The following ZNF519 variants were observed in gnomAD, a reference collection of about 807,000 sequenced individuals.
ZNF519 encodes zinc finger protein 519, also known as similar to Zinc finger protein 85 (Zinc finger protein HPF4) (HTF1).
A neutral mutation model predicts 7.4 loss-of-function variants in ZNF519; 7 were observed. That is an observed-to-expected ratio of 0.94 (90% CI 0.54 to 1.77). The LOEUF is 1.77. ZNF519 is among the 40% of genes most tolerant of loss of function. The pLI is 0.00. For synonymous variants in ZNF519, 179 were observed against 203.3 expected (o/e 0.88, Z 1.02); for missense variants, 586 against 623.1 (o/e 0.94, Z 0.63).
At chr18:14,092,910 C>CTGCAT in intron 2 of ZNF519, among the ~76,000 whole-genome samples, 2 of 152,292 alleles carry the variant, frequency 1.3e-5, no homozygotes, top group Middle Eastern at 6.8e-3. Flanking sequence ...CAGCACAGGG[C>CTGCAT]TGCATCCCTA....
chr18:14,085,440 T>C (rs996492057), intron 2 of ZNF519, among the ~76,000 whole-genome samples: 5 of 152,018 alleles, frequency 3.3e-5, no homozygotes, highest in African/African-American at 4.8e-5. Context: ...AAAAAATCTT[T>C]AAGAGAGGAA....
At chr18:14,074,562 C>G (rs1249464405), downstream of ZNF519, 1 of 152,788 alleles carries the variant, frequency 6.5e-6, no homozygotes, top group Non-Finnish European at 1.5e-5. Context: ...TCATCTCTCT[C>G]AAGTTCAAAG....
At chr18:14,116,521 A>G (rs955160089) in intron 2 of ZNF519, among the ~76,000 whole-genome samples, 2 of 152,210 alleles carry the variant, frequency 1.3e-5, no homozygotes, top group African/African-American at 4.8e-5. Flanking sequence ...TATATGGTCA[A>G]ATGATCTTCA....
chr18:14,122,343 T>G (rs2046273463), intron 2 of ZNF519: 1 of 152,110 alleles, frequency 6.6e-6, no homozygotes, highest in Admixed American at 6.6e-5. Context: ...GGATTAAAAA[T>G]TATTAAGCGG....
chr18:14,130,163 C>T (rs575075915), intron 1 of ZNF519, among the ~76,000 whole-genome samples: 3 of 150,186 alleles, frequency 2.0e-5, no homozygotes, highest in Admixed American at 6.7e-5. Context: ...TTCTCATATA[C>T]AATTGGCTGA....
At chr18:14,090,910 C>A (rs1032849786) in intron 2 of ZNF519, 1 of 152,196 alleles carries the variant, frequency 6.6e-6, no homozygotes, top group African/African-American at 2.4e-5. Context: ...TAAAGCTCTG[C>A]AAATGTTAAC....
intron 2 of ZNF519, 135 bp downstream of exon 2, chr18:14,124,215 A>T: frequency 3.6e-6 from 3 of 833,056 alleles, no homozygotes; most frequent in Non-Finnish European, 5.2e-6. Context: ...TTACACTAGC[A>T]AACTCCCATT....
At chr18:14,098,784 C>T (rs116091225), downstream of ZNF519, among the ~76,000 whole-genome samples, 2,400 of 152,248 alleles carry the variant, frequency 0.016, 66 homozygotes, top group African/African-American at 0.055. Context: ...CCTATTTATC[C>T]GATGACATTT....
intron 3 of ZNF519, chr18:14,084,489 T>C (rs1000685506): frequency 1.3e-5 from 2 of 152,210 alleles, no homozygotes; most frequent in Non-Finnish European, 2.9e-5. Context: ...TCCAGCTGAA[T>C]GAAGCCACAT....
chr18:14,121,891 T>C (rs976659742), intron 2 of ZNF519: 2 of 152,178 alleles, frequency 1.3e-5, no homozygotes, highest in South Asian at 4.1e-4. Context: ...CTTAGCAATG[T>C]TCTAAGCTCA....
intron 3 of ZNF519, among the ~76,000 whole-genome samples, chr18:14,079,214 G>A (rs2046060814): frequency 6.6e-6 from 1 of 152,190 alleles, no homozygotes; most frequent in Non-Finnish European, 1.5e-5. Flanking sequence ...CCTCAGCACA[G>A]GAGGGAGACC....
At position 14,103,067 on chromosome 18, in the gene ZNF519, T is replaced by C. The variant is rs574316919; in HGVS notation, c.*1850A>G. ...ACTATACTGATAATATTACAGGCTA[T>C]AAATAGATTAAATAATCAAATCCAT... On this transcript the variant is annotated 3_prime_UTR_variant, in exon 3 of 3. Transcript: ENST00000590202. 1.3e-5 allele frequency: 2 copies of C among 152,182 alleles called. No homozygotes were observed. Among genetic ancestry groups the C allele is most frequent in the Non-Finnish European group, 2.9e-5 (2 of 67,978 alleles). The allele number at this position is 152,182 out of a possible 1,614,324, so 9.4% of individuals were successfully genotyped here.
At position 14,124,436 on chromosome 18, in the gene ZNF519, G is replaced by A; in HGVS notation, c.44C>T (p.Pro15Leu). The change falls in exon 2 of 3, where the codon CCA (proline) becomes CTA (leucine). Residue 15 changes from proline to leucine, a missense_variant. Physicochemically the swap from Pro to Leu is moderately conservative, Grantham distance 98. Coordinates refer to ENST00000590202, the MANE Select transcript of ZNF519 (RefSeq NM_145287.4). ...TFRDVAIEFS[P>L]EEWKCLDPAQ... is the part of the protein sequence containing the mutation. Reference sequence around the variant, plus strand: ...AGGGTCTAGGCATTTCCACTCTTCTGGAGAGAATTCTATGGCCACATCCCT... The same window carrying A: ...AGGGTCTAGGCATTTCCACTCTTCTAGAGAGAATTCTATGGCCACATCCCT... 6.2e-7 allele frequency: 1 copy of A among 1,612,710 alleles called. No homozygotes were observed. Among genetic ancestry groups the A allele is most frequent in the South Asian group, 1.1e-5 (1 of 90,766 alleles).
rs770288525 is a variant in ZNF519 at position 14,105,371 on chromosome 18, T to C, written c.1169A>G (p.Tyr390Cys). ...ATGCATTCTCTGATGCTGAGTAACG[T>C]ATGAGCTTCTATTAAAGGCTTTGCC... ...ECGKAFNRSS[Y>C]VTQHQRMHTG... is the part of the protein sequence containing the mutation. Residue 390 changes from tyrosine to cysteine, a missense_variant, in exon 3 of 3, where the codon TAC (tyrosine) becomes TGC (cysteine). Physicochemically the swap from Tyr to Cys is radical, Grantham distance 194. Transcript: ENST00000590202. The C allele has an allele frequency of 6.2e-7, 1 of 1,614,006 alleles. No individual in the cohort carries two copies. The highest frequency in any genetic ancestry group is 8.5e-7 in the Non-Finnish European group (1 of 1,179,982).
intron 3 of ZNF519, among the ~76,000 whole-genome samples, chr18:14,079,745 A>T (rs987685649): frequency 6.6e-6 from 1 of 152,218 alleles, no homozygotes; most frequent in Non-Finnish European, 1.5e-5. Flanking sequence ...ATCTTCACCA[A>T]AATGAACACA....
intron 1 of ZNF519, among the ~76,000 whole-genome samples, chr18:14,128,425 T>C (rs1250705485): frequency 1.3e-5 from 2 of 152,270 alleles, no homozygotes; most frequent in African/African-American, 2.4e-5. Context: ...AAGGTCAACA[T>C]AATTAGTATT....
chr18:14,121,586 C>A (rs542106742), intron 2 of ZNF519, among the ~76,000 whole-genome samples: 1 of 152,108 alleles, frequency 6.6e-6, no homozygotes, highest in East Asian at 1.9e-4. Flanking sequence ...AATGAAACAA[C>A]ACTGCTATAT....
chr18:14,101,866 C>T lies in ZNF519; in HGVS notation c.*3051G>A. 5.0e-6 allele frequency: 2 copies of T among 397,350 alleles called. No individual in the cohort carries two copies. Among genetic ancestry groups the T allele is most frequent in the East Asian group, 7.1e-5 (2 of 28,044 alleles). 24.6% of individuals were successfully genotyped at this position (397,350 alleles called of 1,614,324 possible). A position where few individuals can be genotyped will look rare whatever the true frequency, so the allele number is the denominator to read the frequency against. ...TGTCGAGTCTTTCCATTCCCCAAAT[C>T]AGGCACAGACCAGAGTCTACATAAA... On this transcript the variant is annotated 3_prime_UTR_variant, in exon 3 of 3. Transcript: ENST00000590202.
chr18:14,073,851 C>A (rs2046037341), downstream of ZNF519: 1 of 152,308 alleles, frequency 6.6e-6, no homozygotes, highest in South Asian at 2.1e-4. Flanking sequence ...CCTTTTGCAA[C>A]TGTTAAATGA....
Sources: gnomAD v4.1 joint callset for allele counts (sites outside exome capture counted in the v4.1 genomes callset) on GRCh38, gnomAD v4.1.1 for gene constraint, MANE v1.5 for transcripts, NCBI Gene and HGNC (gene_info 2026-07-23, HGNC 2026-07-21) for gene names.